DLG2: variants seen among roughly 807,000 people sequenced by gnomAD.
The protein encoded by DLG2 is discs large MAGUK scaffold protein 2.
A neutral mutation model predicts 132.5 loss-of-function variants in DLG2; 45 were observed. That is an observed-to-expected ratio of 0.34 (90% CI 0.27 to 0.44). The LOEUF is 0.44. Ranked by LOEUF, DLG2 falls within the 20% of genes least tolerant of loss-of-function variation. DLG2 has a pLI of 1.00. For missense variants in DLG2, 1,045 were observed against 1,196.9 expected (o/e 0.87, Z 1.87); for synonymous variants, 424 against 419.6 (o/e 1.01, Z -0.13).
intron 6 of DLG2, among the ~76,000 whole-genome samples, chr11:84,974,590 A>G (rs1035347575): frequency 6.6e-6 from 1 of 152,212 alleles, no homozygotes; most frequent in East Asian, 1.9e-4. Flanking sequence ...TTGCATGAAC[A>G]AGACACGTCT....
chr11:85,470,040 A>G (rs957354095), intron 3 of DLG2, among the ~76,000 whole-genome samples: 1 of 151,762 alleles, frequency 6.6e-6, no homozygotes, highest in African/African-American at 2.4e-5. Context: ...TATTATCCCC[A>G]TCACTCACTC....
intron 6 of DLG2, chr11:84,923,668 G>T: frequency 1.2e-6 from 1 of 835,274 alleles, no homozygotes; most frequent in Non-Finnish European, 1.4e-6. Flanking sequence ...GCAGCACCCT[G>T]TTTGGCAAAT....
chr11:84,610,615 T>C (rs954485719), intron 6 of DLG2, among the ~76,000 whole-genome samples: 1 of 152,116 alleles, frequency 6.6e-6, no homozygotes, highest in African/African-American at 2.4e-5. Flanking sequence ...ACCAGGTCAA[T>C]GGCAAGCCCC....
intron 7 of DLG2, among the ~76,000 whole-genome samples, chr11:84,427,221 A>C (rs905045406): frequency 6.6e-6 from 1 of 152,092 alleles, no homozygotes. Flanking sequence ...GTAGGAAGAA[A>C]GGAAAAAGGG....
chr11:85,506,794 T>A (rs1003548396), intron 3 of DLG2, among the ~76,000 whole-genome samples: 1 of 152,216 alleles, frequency 6.6e-6, no homozygotes, highest in Non-Finnish European at 1.5e-5. Flanking sequence ...GTCTCGTTGA[T>A]CTGTCTAATG....
chr11:85,577,001 C>T (rs190244991), intron 3 of DLG2, among the ~76,000 whole-genome samples: 22 of 152,060 alleles, frequency 1.4e-4, no homozygotes, highest in African/African-American at 5.1e-4. Context: ...AAGTTCAAGT[C>T]CAACATAATT....
intron 6 of DLG2, among the ~76,000 whole-genome samples, chr11:84,812,729 C>A (rs1348703108): frequency 6.6e-6 from 1 of 152,096 alleles, no homozygotes; most frequent in East Asian, 1.9e-4. Context: ...ATGTCACAGC[C>A]TCTGGGTGGT....
At chr11:83,669,424 T>C (rs2076450171) in intron 18 of DLG2, among the ~76,000 whole-genome samples, 1 of 152,242 alleles carries the variant, frequency 6.6e-6, no homozygotes, top group Non-Finnish European at 1.5e-5. Context: ...TAGATGTATG[T>C]ATTTCTGTCT....
intron 15 of DLG2, among the ~76,000 whole-genome samples, chr11:83,901,730 G>A (rs987372878): frequency 3.3e-5 from 5 of 152,210 alleles, no homozygotes; most frequent in Admixed American, 3.3e-4. Context: ...TACTAATACA[G>A]TTTCCATCTG....
At chr11:84,606,721 G>A (rs2099586341) in intron 6 of DLG2, among the ~76,000 whole-genome samples, 2 of 152,070 alleles carry the variant, frequency 1.3e-5, no homozygotes, top group East Asian at 3.9e-4. Flanking sequence ...AAGGGGAGTG[G>A]GAAGGAAAAG....
intron 9 of DLG2, among the ~76,000 whole-genome samples, chr11:84,137,872 T>C (rs2094669465): frequency 6.6e-6 from 1 of 152,172 alleles, no homozygotes; most frequent in African/African-American, 2.4e-5. Context: ...GCCATTACTC[T>C]TTCTTCCCTA....
chr11:83,674,521 C>G (rs1344384721), intron 18 of DLG2, among the ~76,000 whole-genome samples: 1 of 152,194 alleles, frequency 6.6e-6, no homozygotes, highest in Non-Finnish European at 1.5e-5. Flanking sequence ...CCTTTTAATG[C>G]TTATATGACA....
At chr11:84,781,905 AAGAC>A (rs2071857760) in intron 6 of DLG2, among the ~76,000 whole-genome samples, 1 of 152,112 alleles carries the variant, frequency 6.6e-6, no homozygotes, top group South Asian at 2.1e-4. Flanking sequence ...GGCAGGGTCT[AAGAC>A]AGAGGCTGGA....
chr11:83,674,350 T>A (rs1333336470), intron 18 of DLG2, among the ~76,000 whole-genome samples: 3 of 152,176 alleles, frequency 2.0e-5, no homozygotes, highest in African/African-American at 7.2e-5. Flanking sequence ...TTCTTTGGCA[T>A]CCTCTATTTG....
chr11:85,330,929 G>A (rs1015612476), intron 3 of DLG2, among the ~76,000 whole-genome samples: 14 of 151,960 alleles, frequency 9.2e-5, no homozygotes, highest in African/African-American at 2.9e-4. Context: ...GTGATTATTG[G>A]GATTTCCCAT....
intron 6 of DLG2, among the ~76,000 whole-genome samples, chr11:84,807,424 C>T (rs966097389): frequency 2.6e-5 from 4 of 151,682 alleles, no homozygotes; most frequent in South Asian, 2.1e-4. Context: ...CCAGCCTGGG[C>T]GACAAGAGTG....
At chr11:84,388,017 C>T (rs1385937617) in intron 7 of DLG2, among the ~76,000 whole-genome samples, 1 of 152,120 alleles carries the variant, frequency 6.6e-6, no homozygotes, top group African/African-American at 2.4e-5. Context: ...TCATGTGTTT[C>T]TTAGAGTTAA....
intron 3 of DLG2, among the ~76,000 whole-genome samples, chr11:85,511,363 A>G (rs1446439045): frequency 6.6e-6 from 1 of 152,134 alleles, no homozygotes; most frequent in Non-Finnish European, 1.5e-5. Context: ...CCTAAAACTT[A>G]AAGTATAATA....
At chr11:84,282,406 G>A (rs1306997983) in intron 7 of DLG2, among the ~76,000 whole-genome samples, 2 of 152,122 alleles carry the variant, frequency 1.3e-5, no homozygotes, top group Admixed American at 6.5e-5. Context: ...CAAAAGTCTG[G>A]AGAGATTACA....
Sources: allele counts gnomAD v4.1 joint callset (sites outside exome capture counted in the v4.1 genomes callset), GRCh38; gene constraint gnomAD v4.1.1; transcripts MANE v1.5; gene names NCBI Gene and HGNC (gene_info 2026-07-23, HGNC 2026-07-21).